Variants in TSPAN4 observed in about 807,000 individuals in gnomAD.
The protein encoded by TSPAN4 is tetraspanin 4, also known as tetraspanin-4.
Under a neutral mutation model 31.5 loss-of-function variants are expected in TSPAN4, and 38 were observed. The ratio of observed to expected loss-of-function variants is 1.21; its 90% CI spans 0.93 to 1.58. The LOEUF (loss-of-function observed/expected upper bound fraction) is 1.58. Among genes scored for constraint, TSPAN4 ranks in the 40% most tolerant of loss-of-function variants. The pLI is 0.00. For synonymous variants in TSPAN4, 186 were observed against 144.6 expected, an observed-to-expected ratio of 1.29 and a Z score of -2.06; for missense variants, 330 against 317.3, an observed-to-expected ratio of 1.04 and a Z score of -0.30.
At chr11:847,994 C>T (rs1357671362) in intron 2 of TSPAN4, among the ~76,000 whole-genome samples, 1 of 152,220 alleles carries the variant, frequency 6.6e-6, no homozygotes, top group Non-Finnish European at 1.5e-5. Flanking sequence ...TTCTCCCAGT[C>T]AGCCTGGGGT....
At chr11:864,332 G>A (rs1273699705) in intron 4 of TSPAN4, 105 bp from the exon 5 acceptor site, 5 of 1,421,822 alleles carry the variant, frequency 3.5e-6, no homozygotes, top group Non-Finnish European at 4.9e-6. Flanking sequence ...AGGTTTCCTG[G>A]CAGCACCAGG....
At chr11:844,712 G>C (rs892245933) in intron 1 of TSPAN4, 3 of 152,044 alleles carry the variant, frequency 2.0e-5, no homozygotes, top group Non-Finnish European at 2.9e-5. Flanking sequence ...CTTCTGGGGG[G>C]GGGGGTCTGG....
chr11:860,320 AGCAGCCAT>A (rs1848386942), intron 3 of TSPAN4, among the ~76,000 whole-genome samples: 1 of 152,218 alleles, frequency 6.6e-6, no homozygotes, highest in Admixed American at 6.5e-5. Flanking sequence ...TTGGGGCACC[AGCAGCCAT>A]GCTGGCCCTT....
At chr11:864,676 G>A (rs903592937) in intron 5 of TSPAN4, 165 bp downstream of exon 5, 33 of 803,876 alleles carry the variant, frequency 4.1e-5, no homozygotes, top group Non-Finnish European at 5.6e-5. Context: ...CAGCGCCAGC[G>A]ACCCTGGGAG....
At chr11:864,374 C>A in intron 4 of TSPAN4, 63 bp from the exon 5 acceptor site, 1 of 1,584,762 alleles carries the variant, frequency 6.3e-7, no homozygotes, top group Non-Finnish European at 8.6e-7. Flanking sequence ...TGGCCCCTGG[C>A]ATGCTGTGGG....
rs1234389427 is a variant in TSPAN4 at position 865,822 on chromosome 11, G to A, written c.561G>A (p.Lys187=). The change falls in exon 7 of 9, where the codon AAG becomes AAA. Residue 187 remains lysine, a synonymous_variant. Coordinates refer to ENST00000397397, the MANE Select transcript of TSPAN4 (RefSeq NM_003271.5). The part of the protein sequence containing the change: ...CGLHAPGTWW[K]APCYETVKVW... ...TGCACGCCCCCGGCACCTGGTGGAA[G>A]GCGGTGAGTGAGACCCCCACCCTGG... 1.9e-6 allele frequency: 3 copies of A among 1,612,334 alleles called. No homozygotes were observed. Among genetic ancestry groups the A allele is most frequent in the South Asian group, 2.2e-5 (2 of 90,984 alleles).
chr11:845,583 G>A (rs1020523241), intron 1 of TSPAN4, among the ~76,000 whole-genome samples: 3 of 152,164 alleles, frequency 2.0e-5, no homozygotes, highest in African/African-American at 4.8e-5. Flanking sequence ...GGTTGCAGGG[G>A]CCAGGGCCAG....
chr11:861,166 TTCC>T (rs1214750177), intron 3 of TSPAN4, among the ~76,000 whole-genome samples: 12 of 152,280 alleles, frequency 7.9e-5, no homozygotes, highest in Non-Finnish European at 1.5e-5. Context: ...CCCCTGCCTC[TTCC>T]TGTTTTAATT....
chr11:847,668 C>A (rs993438883), intron 2 of TSPAN4, among the ~76,000 whole-genome samples: 6 of 119,486 alleles, frequency 5.0e-5, no homozygotes, highest in Admixed American at 4.8e-4. Context: ...TTTTTGATTT[C>A]TTCTTGAATA....
intron 5 of TSPAN4, chr11:864,841 T>C (rs542441466): frequency 4.9e-6 from 2 of 409,092 alleles, no homozygotes; most frequent in African/African-American, 2.0e-5. Context: ...TTCTCCTCTG[T>C]AGAGCGGCCT....
At chr11:851,518 A>AG (rs1235701608) in intron 3 of TSPAN4, among the ~76,000 whole-genome samples, 2 of 152,104 alleles carry the variant, frequency 1.3e-5, no homozygotes, top group Non-Finnish European at 1.5e-5. Context: ...GGGTGGAGGC[A>AG]GGGGGGTCCC....
In TSPAN4 at chr11:848,756, G is replaced by T; in HGVS notation, c.-18+1456G>T. ...CTGCCAGGAATCTGGGCCACGTGCT[G>T]ATATCTTCCCAACACCGCAGGGCCC... On this transcript the variant is annotated intron_variant, in intron 2 of 8. Coordinates refer to ENST00000397397, the MANE Select transcript of TSPAN4 (RefSeq NM_003271.5). The surrounding 1 kb of genome is among the most constrained non-coding windows in gnomAD (Gnocchi z 5.7). The T allele has an allele frequency of 1.9e-6, 1 of 517,980 alleles. No homozygotes were observed. 32.1% of individuals were successfully genotyped at this position (517,980 alleles called of 1,614,324 possible). A position where few individuals can be genotyped will look rare whatever the true frequency, so the allele number is the denominator to read the frequency against.
intron 3 of TSPAN4, among the ~76,000 whole-genome samples, chr11:862,058 G>A (rs868087223): frequency 1.3e-5 from 2 of 152,228 alleles, no homozygotes; most frequent in Non-Finnish European, 2.9e-5. Flanking sequence ...CGGAATCCTG[G>A]GACCACCTGC....
chr11:853,161 C>T (rs1016079618), intron 3 of TSPAN4, among the ~76,000 whole-genome samples: 7 of 151,976 alleles, frequency 4.6e-5, no homozygotes, highest in East Asian at 1.9e-4. Context: ...GGCTCGTGTG[C>T]GGTGGTCAGG....
chr11:857,005 G>A (rs1232099507), intron 3 of TSPAN4: 2 of 152,266 alleles, frequency 1.3e-5, no homozygotes, highest in African/African-American at 4.8e-5. Context: ...GTGTGGCCAC[G>A]TGTGATGGTG....
chr11:850,150 G>GCGGCGGGGA, intron 2 of TSPAN4, 138 bp from the exon 3 acceptor site: 1 of 636,530 alleles, frequency 1.6e-6, no homozygotes, highest in South Asian at 2.1e-5. Context: ...GGGCGCGCGG[G>GCGGCGGGGA]CGGCGGGGAC....
At chr11:849,472 C>G (rs1222986144) in intron 2 of TSPAN4, among the ~76,000 whole-genome samples, 5 of 152,120 alleles carry the variant, frequency 3.3e-5, no homozygotes, top group African/African-American at 1.2e-4. Context: ...GTCTCCAAGC[C>G]CGGCCCGGGG....
intron 3 of TSPAN4, among the ~76,000 whole-genome samples, chr11:860,145 C>T (rs944607922): frequency 3.3e-5 from 5 of 152,212 alleles, no homozygotes; most frequent in African/African-American, 1.2e-4. Flanking sequence ...GGAGATGCTA[C>T]CTCTGGAAGG....
At position 865,959 on chromosome 11, in the gene TSPAN4, G is replaced by T. The variant is rs147393594; in HGVS notation, c.606G>T (p.Leu202=). Residue 202 remains leucine (L), a synonymous_variant, in exon 8 of 9, where the codon CTG becomes CTT. Coordinates refer to ENST00000397397, the MANE Select transcript of TSPAN4 (RefSeq NM_003271.5). ...TGAAGGTGTGGCTTCAGGAGAACCT[G>T]CTGGCTGTGGGCATCTTTGGGCTGT... is the stretch of plus-strand genomic sequence containing the variant. The part of the protein sequence containing the change: ...ETVKVWLQEN[L]LAVGIFGLCT... 3.2e-5 allele frequency: 52 copies of T among 1,612,658 alleles called. No individual in the cohort carries two copies. Among genetic ancestry groups the T allele is most frequent in the Middle Eastern group, 1.9e-4 (1 of 5,334 alleles).
Sources: gnomAD v4.1 joint callset for allele counts (sites outside exome capture counted in the v4.1 genomes callset) on GRCh38, gnomAD v4.1.1 for gene constraint, Gnocchi (gnomAD v3.1) non-coding constraint, MANE v1.5 for transcripts, NCBI Gene and HGNC (gene_info 2026-07-23, HGNC 2026-07-21) for gene names.